CACNA2D2: variants seen among roughly 807,000 people sequenced by gnomAD.
CACNA2D2 encodes calcium voltage-gated channel auxiliary subunit alpha2delta 2.
In CACNA2D2, 48 loss-of-function variants were observed where a neutral mutation model predicts 166.4. The ratio of observed to expected loss-of-function variants is 0.29; its 90% confidence interval spans 0.23 to 0.37. CACNA2D2 has a LOEUF of 0.37. Ranked by LOEUF, CACNA2D2 falls within the 10% of genes least tolerant of loss-of-function variation. The pLI, the probability that CACNA2D2 is intolerant of heterozygous loss-of-function variation, is 1.00. For synonymous variants in CACNA2D2, 561 were observed against 573.7 expected (o/e 0.98, Z 0.32); for missense variants, 1,122 against 1,433.0 (o/e 0.78, Z 3.50).
At chr3:50,448,770 G>C (rs1175932207) in intron 2 of CACNA2D2, among the ~76,000 whole-genome samples, 1 of 152,090 alleles carries the variant, frequency 6.6e-6, no homozygotes, top group African/African-American at 2.4e-5. Context: ...CCATTTCAGA[G>C]GGACTAGAGC....
In CACNA2D2 at chr3:50,366,482, C is replaced by T; in HGVS notation, c.2637+96G>A. 1 of 1,503,514 alleles carries T rather than the reference C, an allele frequency of 6.7e-7. No homozygotes were observed. Among genetic ancestry groups the T allele is most frequent in the East Asian group, 2.3e-5 (1 of 44,296 alleles). 93.1% of individuals were successfully genotyped at this position (1,503,514 alleles called of 1,614,324 possible). A position where few individuals can be genotyped will look rare whatever the true frequency, so the allele number is the denominator to read the frequency against. On this transcript the variant is annotated intron_variant, in intron 30 of 37. Coordinates refer to ENST00000424201, the MANE Select transcript of CACNA2D2 (RefSeq NM_006030.4). This position sits in a 1 kb window ranked among gnomAD's most constrained non-coding sequence, Gnocchi z 5.9. ...GAAGTCAGGGTGGGGATGTTGAGAC[C>T]CACAGGCCAAGGGATGTGCTGGGAG...
intron 1 of CACNA2D2, among the ~76,000 whole-genome samples, chr3:50,488,104 G>A (rs547798628): frequency 1.3e-5 from 2 of 152,318 alleles, no homozygotes; most frequent in Non-Finnish European, 2.9e-5. Context: ...GGTGAAGGTG[G>A]CACCACAGAG....
intron 23 of CACNA2D2, 56 bp from the exon 24 acceptor site, chr3:50,368,291 G>A (rs1704463130): frequency 9.0e-7 from 1 of 1,105,500 alleles, no homozygotes; most frequent in African/African-American, 1.5e-5. Context: ...AGGGCAATGG[G>A]GTCAAGGCTT....
intron 2 of CACNA2D2, among the ~76,000 whole-genome samples, chr3:50,440,991 C>G (rs544740355): frequency 2.6e-5 from 4 of 151,788 alleles, no homozygotes; most frequent in Non-Finnish European, 5.9e-5. Flanking sequence ...GCAGCAGTAG[C>G]GCCAGGTGCA....
intron 3 of CACNA2D2, among the ~76,000 whole-genome samples, chr3:50,423,471 C>T (rs1707667707): frequency 6.6e-6 from 1 of 152,236 alleles, no homozygotes; most frequent in Admixed American, 6.5e-5. Flanking sequence ...TTGCCTAGGG[C>T]TGCCCCTGCT....
chr3:50,467,676 T>A (rs1709879470), intron 2 of CACNA2D2, among the ~76,000 whole-genome samples: 1 of 152,162 alleles, frequency 6.6e-6, no homozygotes. Flanking sequence ...GGTTCCCTGC[T>A]TTAGGAGAAC....
At chr3:50,462,296 G>A (rs9311453) in intron 2 of CACNA2D2, among the ~76,000 whole-genome samples, 14,651 of 151,722 alleles carry the variant, frequency 0.097, 2,065 homozygotes, top group African/African-American at 0.31. Context: ...GCTCAGGCAG[G>A]AGAATTGCTT....
Position 50,367,960 on chromosome 3 carries a change from C to A in CACNA2D2, c.2144-58G>T. 1 of 1,337,364 alleles carries A rather than the reference C, an allele frequency of 7.5e-7. No homozygotes were observed. The highest frequency in any genetic ancestry group is 1.2e-5 in the South Asian group (1 of 82,552). 82.8% of individuals were successfully genotyped at this position (1,337,364 alleles called of 1,614,324 possible). A position where few individuals can be genotyped will look rare whatever the true frequency, so the allele number is the denominator to read the frequency against. On this transcript the variant is annotated intron_variant, in intron 24 of 37. Transcript: ENST00000424201. This position sits in a 1 kb window ranked among gnomAD's most constrained non-coding sequence, Gnocchi z 6.5. ...CATCTTCTTGCAGCTCCTTGCCCAC[C>A]CTCACCCCCACCCTTAAGGCTCCAC...
chr3:50,415,623 A>G (rs1028163996), intron 3 of CACNA2D2, among the ~76,000 whole-genome samples: 13 of 152,338 alleles, frequency 8.5e-5, no homozygotes, highest in African/African-American at 3.1e-4. Flanking sequence ...AGGTTCCCAC[A>G]GTGCCTGTGT....
intron 2 of CACNA2D2, among the ~76,000 whole-genome samples, chr3:50,447,484 T>C (rs942311094): frequency 3.3e-5 from 5 of 152,086 alleles, no homozygotes; most frequent in African/African-American, 1.2e-4. Flanking sequence ...GCGGAACAAA[T>C]TGCCCTGATT....
At chr3:50,463,879 T>C (rs1340749773) in intron 2 of CACNA2D2, among the ~76,000 whole-genome samples, 1 of 152,210 alleles carries the variant, frequency 6.6e-6, no homozygotes, top group Non-Finnish European at 1.5e-5. Flanking sequence ...GCAGACCTCA[T>C]GCCAAGGGCA....
In CACNA2D2 at chr3:50,365,266, T is replaced by C. The variant is rs1168542573; in HGVS notation, c.3099-82A>G. 2 of 984,004 alleles carry C rather than the reference T, an allele frequency of 2.0e-6. No homozygotes were observed. Among genetic ancestry groups the C allele is most frequent in the African/African-American group, 2.4e-5 (1 of 42,232 alleles). 61.0% of individuals were successfully genotyped at this position (984,004 alleles called of 1,614,324 possible). A position where few individuals can be genotyped will look rare whatever the true frequency, so the allele number is the denominator to read the frequency against. ...ATCCTGCGGCCCCGCCCCCGGCCGCTCGGAGGCCCCGCCCCTTCCATCCTC... is the reference window on the plus strand; with the variant it reads ...ATCCTGCGGCCCCGCCCCCGGCCGCCCGGAGGCCCCGCCCCTTCCATCCTC... On this transcript the variant is annotated intron_variant, in intron 35 of 37. Coordinates refer to ENST00000424201, the MANE Select transcript of CACNA2D2 (RefSeq NM_006030.4). The surrounding 1 kb of genome is among the most constrained non-coding windows in gnomAD (Gnocchi z 4.5).
intron 3 of CACNA2D2, among the ~76,000 whole-genome samples, chr3:50,400,957 G>A (rs936166868): frequency 6.6e-6 from 1 of 152,172 alleles, no homozygotes. Flanking sequence ...TTACAGGCGT[G>A]AGCCACCGCG....
At chr3:50,402,174 G>A (rs1045585664) in intron 3 of CACNA2D2, among the ~76,000 whole-genome samples, 2 of 152,222 alleles carry the variant, frequency 1.3e-5, no homozygotes, top group Non-Finnish European at 2.9e-5. Flanking sequence ...GAAAGAGGTC[G>A]GGTGTGTCCT....
chr3:50,384,791 C>T (rs1705508213), intron 5 of CACNA2D2, among the ~76,000 whole-genome samples: 1 of 152,220 alleles, frequency 6.6e-6, no homozygotes, highest in Admixed American at 6.5e-5. Flanking sequence ...CTGGGTCCTG[C>T]CCAGCCCCTT....
chr3:50,429,592 CAA>C (rs1160685582), intron 3 of CACNA2D2, among the ~76,000 whole-genome samples: 104 of 52,640 alleles, frequency 2.0e-3, no homozygotes, highest in Middle Eastern at 0.011. Flanking sequence ...ACTAAAAATA[CAA>C]AAAAAAAAAA....
intron 3 of CACNA2D2, among the ~76,000 whole-genome samples, chr3:50,410,077 G>A (rs1473759280): frequency 6.6e-6 from 1 of 152,244 alleles, no homozygotes; most frequent in African/African-American, 2.4e-5. Context: ...TCTTCTACCT[G>A]TGGTTAGCCT....
intron 3 of CACNA2D2, among the ~76,000 whole-genome samples, chr3:50,425,824 A>G (rs1707782688): frequency 6.6e-6 from 1 of 151,538 alleles, no homozygotes; most frequent in South Asian, 2.1e-4. Context: ...CATTCAACGG[A>G]CTCTCATCTC....
intron 1 of CACNA2D2, among the ~76,000 whole-genome samples, chr3:50,486,065 C>CT (rs35920608): frequency 0.14 from 20,903 of 152,092 alleles, 1,622 homozygotes; most frequent in East Asian, 0.32. Context: ...AACAGAAGTC[C>CT]TGCCCGGGCC....
Sources: allele counts gnomAD v4.1 joint callset (sites outside exome capture counted in the v4.1 genomes callset), GRCh38; gene constraint gnomAD v4.1.1; non-coding constraint Gnocchi (gnomAD v3.1); transcripts MANE v1.5; gene names NCBI Gene and HGNC (gene_info 2026-07-23, HGNC 2026-07-21).